The following CNBD1 variants were observed in gnomAD, a reference collection of about 807,000 sequenced individuals.
The protein encoded by CNBD1 is cyclic nucleotide binding domain containing 1, also known as cyclic nucleotide-binding domain-containing protein 1.
A neutral mutation model predicts 54.4 loss-of-function variants in CNBD1; 71 were observed. The observed-to-expected ratio is 1.30, with a 90% CI of 1.08 to 1.59. The LOEUF (loss-of-function observed/expected upper bound fraction) is 1.59, where lower values mean the gene tolerates loss of function less well. Ranked by LOEUF, CNBD1 falls within the 40% of genes most tolerant of loss-of-function variation. The probability of loss-of-function intolerance (pLI) is 0.00; values close to 1 mark genes in which losing one functional copy is unlikely to be tolerated. For missense variants in CNBD1, 659 were observed against 518.0 expected, an observed-to-expected ratio of 1.27 and a Z score of -2.64; for synonymous variants, 182 against 170.7, an observed-to-expected ratio of 1.07 and a Z score of -0.51.
Position 86,951,581 on chromosome 8 carries a change from C to CAAAAAAAAAAAAAA in CNBD1, c.431+11852_431+11865dup, listed in dbSNP as rs71275901. 9.4e-3 allele frequency among the ~76,000 whole-genome samples: 350 copies of CAAAAAAAAAAAAAA among 37,352 alleles called. 112 individuals carry two copies. Among genetic ancestry groups the CAAAAAAAAAAAAAA allele is most frequent in the East Asian group, 0.016 (18 of 1,122 alleles). The allele number at this position is 37,352 out of a possible 152,430, so 24.5% of individuals were successfully genotyped here. On this transcript the variant is annotated intron_variant, in intron 4 of 10. Transcript: ENST00000518476. The stretch of plus-strand genomic sequence containing the variant: ...GGTGACAGAGCGAGGCTCCGTCTCA[C>CAAAAAAAAAAAAAA]AAAAAAAAAAAAAAAAAAAAAAAAA...
At position 87,283,755 on chromosome 8, in the gene CNBD1, C is replaced by T. The variant is rs1486411493; in HGVS notation, c.772-923C>T. 2.6e-5 allele frequency among the ~76,000 whole-genome samples: 4 copies of T among 152,096 alleles called. 1 individual carries two copies. The highest frequency in any genetic ancestry group is 9.7e-5 in the African/African-American group (4 of 41,438). ...TTCCTAGACTTTAGGCAAGGAGGCA[C>T]AATTCCAGGCTCTCACCTTGCATGG... On this transcript the variant is annotated intron_variant, in intron 6 of 10. Transcript: ENST00000518476.
rs556759673 is a variant in CNBD1 at position 87,353,618 on chromosome 8, A to T, written c.1153-18A>T. ...GGAAGCAGTTGCATTAAACATCAAT[A>T]ATATATTTTTTTAACAGAAAAGATC... On this transcript the variant is annotated intron_variant, in intron 9 of 10. Coordinates refer to ENST00000518476, the MANE Select transcript of CNBD1 (RefSeq NM_173538.3). 8 of 1,500,532 alleles carry T rather than the reference A, an allele frequency of 5.3e-6. No homozygotes were observed. The East Asian group carries it at 1.8e-4, about 34-fold the overall frequency. The allele number at this position is 1,500,532 out of a possible 1,614,324, so 93.0% of individuals were successfully genotyped here.
Position 87,324,037 on chromosome 8 carries a change from T to C in CNBD1, c.1043-27648T>C, listed in dbSNP as rs201284996. The stretch of plus-strand genomic sequence containing the variant: ...AGGGTTGTTGAATTTTGTCAAAGGC[T>C]TTTTCTGCATCTATTGAGATAATCA... On this transcript the variant is annotated intron_variant, in intron 8 of 10. Transcript: ENST00000518476. Among the ~76,000 whole-genome samples the C allele has an allele frequency of 1.4e-4, 17 of 125,926 alleles. 1 individual carries two copies. Among genetic ancestry groups the C allele is most frequent in the Admixed American group, 6.2e-4 (8 of 12,808 alleles). 82.6% of individuals were successfully genotyped at this position (125,926 alleles called of 152,430 possible). A position where few individuals can be genotyped will look rare whatever the true frequency, so the allele number is the denominator to read the frequency against.
intron 8 of CNBD1, among the ~76,000 whole-genome samples, chr8:87,297,744 A>G (rs1324953081): frequency 6.6e-6 from 1 of 151,992 alleles, no homozygotes; most frequent in Non-Finnish European, 1.5e-5. Context: ...AAATGAAAAC[A>G]TATTTACCTG....
At chr8:87,356,287 TA>T (rs1180879183) in intron 10 of CNBD1, among the ~76,000 whole-genome samples, 1 of 152,122 alleles carries the variant, frequency 6.6e-6, no homozygotes, top group Non-Finnish European at 1.5e-5. Context: ...GAAAGTCTCA[TA>T]AGAAGACAGC....
At chr8:87,380,273 T>G (rs575512922) in intron 10 of CNBD1, among the ~76,000 whole-genome samples, 3 of 152,000 alleles carry the variant, frequency 2.0e-5, no homozygotes, top group Non-Finnish European at 2.9e-5. Flanking sequence ...ATGGACATGA[T>G]AATACTTAAA....
At chr8:87,066,720 T>C (rs1420633290) in intron 4 of CNBD1, among the ~76,000 whole-genome samples, 1 of 151,954 alleles carries the variant, frequency 6.6e-6, no homozygotes, top group Non-Finnish European at 1.5e-5. Context: ...TAGAATTTTA[T>C]AAATTCTGTA....
intron 2 of CNBD1, among the ~76,000 whole-genome samples, chr8:87,388,910 G>T (rs1043895189): frequency 1.3e-5 from 2 of 152,158 alleles, no homozygotes; most frequent in East Asian, 3.9e-4. Flanking sequence ...ACATGATCAA[G>T]TGGGCTTCAT....
chr8:87,381,109 T>G (rs1252753625), intron 10 of CNBD1, among the ~76,000 whole-genome samples: 1 of 152,028 alleles, frequency 6.6e-6, no homozygotes, highest in Non-Finnish European at 1.5e-5. Context: ...ACCTATAGAA[T>G]GGGAGAAAAT....
intron 8 of CNBD1, among the ~76,000 whole-genome samples, chr8:87,302,062 A>G (rs1471749216): frequency 6.6e-6 from 1 of 152,210 alleles, no homozygotes; most frequent in Non-Finnish European, 1.5e-5. Flanking sequence ...CAGAGGTACA[A>G]GGAGGAGCTG....
At chr8:87,091,266 G>C (rs59728509) in intron 4 of CNBD1, among the ~76,000 whole-genome samples, 2,042 of 152,016 alleles carry the variant, frequency 0.013, 47 homozygotes, top group African/African-American at 0.043. Context: ...TAGACATACA[G>C]TTTATGGCCT....
intron 3 of CNBD1, among the ~76,000 whole-genome samples, chr8:86,925,482 AGTGTGTGTGTGTGTGTGTGT>A (rs71275894): frequency 7.1e-5 from 10 of 141,818 alleles, no homozygotes; most frequent in South Asian, 2.3e-4. Context: ...CTTACCAAAA[AGTGTGTGTGTGTGTGTGTGT>A]GTGTGTGTGT....
chr8:87,168,485 T>C (rs2130765990), intron 4 of CNBD1, among the ~76,000 whole-genome samples: 1 of 152,144 alleles, frequency 6.6e-6, no homozygotes, highest in Non-Finnish European at 1.5e-5. Flanking sequence ...TTTTTGACTA[T>C]AGTCACCCTA....
At chr8:87,247,230 G>A (rs1807823864) in intron 6 of CNBD1, among the ~76,000 whole-genome samples, 2 of 152,088 alleles carry the variant, frequency 1.3e-5, no homozygotes, top group Non-Finnish European at 1.5e-5. Context: ...CTTCTAGCAC[G>A]GACAAAGTCC....
chr8:87,410,403 G>A (rs1016551971), intron 2 of CNBD1, among the ~76,000 whole-genome samples: 1 of 152,136 alleles, frequency 6.6e-6, no homozygotes, highest in Admixed American at 6.6e-5. Flanking sequence ...ATGCCATTAA[G>A]AATGTGGTGA....
chr8:87,374,080 AAAAATTCCTTAC>A (rs1810875419), intron 10 of CNBD1, among the ~76,000 whole-genome samples: 1 of 151,798 alleles, frequency 6.6e-6, no homozygotes, highest in Non-Finnish European at 1.5e-5. Flanking sequence ...TAATCCCCTA[AAAAATTCCTTAC>A]AAAATAATTC....
In CNBD1 at chr8:87,320,310, A is replaced by T. The variant is rs552588876; in HGVS notation, c.1043-31375A>T. Reference sequence around the variant, plus strand: ...CCTAATCACTTAATTACATTAAGTGATTTACTTTTGTTTCTACAGTTTAGT... The same window carrying T: ...CCTAATCACTTAATTACATTAAGTGTTTTACTTTTGTTTCTACAGTTTAGT... On this transcript the variant is annotated intron_variant, in intron 8 of 10. Coordinates refer to ENST00000518476, the MANE Select transcript of CNBD1 (RefSeq NM_173538.3). 1.1e-3 allele frequency among the ~76,000 whole-genome samples: 173 copies of T among 152,240 alleles called. 1 individual carries two copies. The highest frequency in any genetic ancestry group is 2.8e-3 in the Admixed American group (43 of 15,280).
At chr8:87,152,679 G>A (rs772118647) in intron 4 of CNBD1, among the ~76,000 whole-genome samples, 1 of 152,048 alleles carries the variant, frequency 6.6e-6, no homozygotes, top group Non-Finnish European at 1.5e-5. Flanking sequence ...CTATATGGAT[G>A]AACTCCATCC....
At chr8:87,385,442 C>G (rs902128979), downstream of CNBD1, among the ~76,000 whole-genome samples, 10 of 151,934 alleles carry the variant, frequency 6.6e-5, no homozygotes, top group African/African-American at 2.4e-4. Flanking sequence ...TTCCAACAGT[C>G]TTAGCAAATG....
Sources: gnomAD v4.1 joint callset for allele counts (sites outside exome capture counted in the v4.1 genomes callset) on GRCh38, gnomAD v4.1.1 for gene constraint, MANE v1.5 for transcripts, NCBI Gene and HGNC (gene_info 2026-07-23, HGNC 2026-07-21) for gene names.